FAM13C: variants seen among roughly 807,000 people sequenced by gnomAD.
FAM13C encodes the protein protein FAM13C.
A neutral mutation model predicts 73.2 loss-of-function variants in FAM13C; 37 were observed. The observed-to-expected ratio is 0.51, with a 90% CI of 0.39 to 0.67. FAM13C has a LOEUF of 0.67. Among genes scored for constraint, FAM13C ranks in the 30% least tolerant of loss-of-function variants. FAM13C has a pLI of 0.00. For missense variants in FAM13C, 589 were observed against 715.6 expected, an observed-to-expected ratio of 0.82 and a Z score of 2.02; for synonymous variants, 246 against 260.9, an observed-to-expected ratio of 0.94 and a Z score of 0.55.
chr10:59,357,199 A>G (rs1855835619), intron 1 of FAM13C, among the ~76,000 whole-genome samples: 1 of 152,140 alleles, frequency 6.6e-6, no homozygotes, highest in South Asian at 2.1e-4. Context: ...TCGAACATAC[A>G]TATATCCTAT....
rs377082637 is a variant in FAM13C at position 59,285,165 on chromosome 10, G to A, written c.508-1718C>T. 1.2e-4 allele frequency among the ~76,000 whole-genome samples: 18 copies of A among 152,310 alleles called. 1 individual carries two copies. Among genetic ancestry groups the A allele is most frequent in the South Asian group, 6.2e-4 (3 of 4,830 alleles). On this transcript the variant is annotated intron_variant, in intron 5 of 13. Transcript: ENST00000618804. ...CATGCCTGGAGATGGGGTGGGACCC[G>A]GCGCAAACCTCCTAAGAGCTCAGCG...
intron 9 of FAM13C, among the ~76,000 whole-genome samples, chr10:59,263,545 T>C (rs576523256): frequency 6.6e-6 from 1 of 152,150 alleles, no homozygotes; most frequent in Non-Finnish European, 1.5e-5. Context: ...TAATTTTTTA[T>C]TGGTAAATTA....
At chr10:59,272,408 A>T (rs1843814335) in intron 6 of FAM13C, among the ~76,000 whole-genome samples, 1 of 152,236 alleles carries the variant, frequency 6.6e-6, no homozygotes, top group African/African-American at 2.4e-5. Context: ...TTGTGTAGAC[A>T]GAATTATTGA....
In FAM13C at chr10:59,329,244, A is replaced by G. The variant is rs183940866; in HGVS notation, c.325-5138T>C. ...TTATTTCAACAAAGAAATAAAATAA[A>G]TCATGGGAAAACGCAGGCATAGGCT... On this transcript the variant is annotated intron_variant, in intron 3 of 13. Coordinates refer to ENST00000618804, the MANE Select transcript of FAM13C (RefSeq NM_198215.4). Among the ~76,000 whole-genome samples, 356 of 152,024 alleles carry G rather than the reference A, an allele frequency of 2.3e-3. 3 individuals carry two copies. The highest frequency in any genetic ancestry group is 8.3e-3 in the African/African-American group (346 of 41,504).
At chr10:59,256,570 G>T (rs533241360) in intron 10 of FAM13C, among the ~76,000 whole-genome samples, 2 of 152,246 alleles carry the variant, frequency 1.3e-5, no homozygotes, top group African/African-American at 4.8e-5. Context: ...CTGAGGAAAC[G>T]TGAGGGTTCC....
chr10:59,264,541 T>C (rs889564204), intron 8 of FAM13C, among the ~76,000 whole-genome samples: 4 of 152,124 alleles, frequency 2.6e-5, no homozygotes, highest in African/African-American at 9.7e-5. Context: ...GCCAGGCCAT[T>C]TTCTGTAGCA....
chr10:59,291,851 T>C (rs11006429), intron 5 of FAM13C, among the ~76,000 whole-genome samples: 3,579 of 144,824 alleles, frequency 0.025, 83 homozygotes, highest in Non-Finnish European at 0.034. Context: ...TGCAGTGGTG[T>C]GATCTCGGCT....
rs116881801 is a variant in FAM13C, at chr10:59,341,807, T to C, written c.324+10463A>G. ...TGATTAATAACAAAACACGATGAGC[T>C]TTGTTGGGTGGGAAGGCAAAGTTCC... On this transcript the variant is annotated intron_variant, in intron 3 of 13. Coordinates refer to ENST00000618804, the MANE Select transcript of FAM13C (RefSeq NM_198215.4). Among the ~76,000 whole-genome samples the C allele has an allele frequency of 5.9e-4, 90 of 152,168 alleles. 2 individuals are homozygous for C. In the East Asian group the frequency reaches 0.014, roughly 24 times the overall value.
intron 6 of FAM13C, among the ~76,000 whole-genome samples, chr10:59,273,749 G>A (rs112785665): frequency 1.2e-3 from 185 of 152,210 alleles, no homozygotes; most frequent in South Asian, 2.9e-3. Flanking sequence ...TGAGCAGAAG[G>A]GAACATAGAG....
chr10:59,318,515 T>C (rs1466180318), intron 4 of FAM13C, among the ~76,000 whole-genome samples: 1 of 152,136 alleles, frequency 6.6e-6, no homozygotes, highest in Non-Finnish European at 1.5e-5. Context: ...GCTCCAGAAA[T>C]CATTTGACCC....
chr10:59,283,311 C>A lies in FAM13C; in HGVS notation c.592+52G>T, dbSNP rs1426451062. The stretch of plus-strand genomic sequence containing the variant: ...AGGCTGAGTGTGAACCAGCAAGAGA[C>A]TGAACTACCTTGAGAGTACAATTTG... On this transcript the variant is annotated intron_variant, in intron 6 of 13. Coordinates refer to ENST00000618804, the MANE Select transcript of FAM13C (RefSeq NM_198215.4). 2.5e-6 allele frequency: 4 copies of A among 1,579,962 alleles called. No homozygotes were observed. In the African/African-American group the frequency reaches 4.0e-5, roughly 16 times the overall value.
At chr10:59,272,481 G>A (rs1420267484) in intron 6 of FAM13C, among the ~76,000 whole-genome samples, 1 of 152,206 alleles carries the variant, frequency 6.6e-6, no homozygotes, top group Non-Finnish European at 1.5e-5. Context: ...CCTGGGAAGA[G>A]TCCAGGCCAC....
chr10:59,323,955 G>A, intron 4 of FAM13C, 33 bp downstream of exon 4: 1 of 1,560,308 alleles, frequency 6.4e-7, no homozygotes, highest in African/African-American at 1.4e-5. Context: ...GGAACCACAA[G>A]CACAGAATAG....
intron 10 of FAM13C, among the ~76,000 whole-genome samples, chr10:59,256,660 A>C (rs1207324241): frequency 6.6e-6 from 1 of 152,212 alleles, no homozygotes; most frequent in South Asian, 2.1e-4. Flanking sequence ...GAGGACAGGA[A>C]AGCAGATTGC....
chr10:59,323,905 T>G, intron 4 of FAM13C, 83 bp downstream of exon 4: 2 of 1,181,648 alleles, frequency 1.7e-6, no homozygotes, highest in Non-Finnish European at 2.5e-6. Context: ...AAGCCTTGCC[T>G]CTTGTGTGGG....
At chr10:59,329,125 A>G (rs1192369765) in intron 3 of FAM13C, among the ~76,000 whole-genome samples, 1 of 152,092 alleles carries the variant, frequency 6.6e-6, no homozygotes, top group African/African-American at 2.4e-5. Flanking sequence ...ATGTGTGTCT[A>G]TTATTTAAAA....
chr10:59,247,474 T>G lies in FAM13C; in HGVS notation c.*140A>C. On this transcript the variant is annotated 3_prime_UTR_variant, in exon 14 of 14. Coordinates refer to ENST00000618804, the MANE Select transcript of FAM13C (RefSeq NM_198215.4). The stretch of plus-strand genomic sequence containing the variant: ...TCTCCTTGTATATAATTAAACTTGC[T>G]ATTCCTTCTTAAAAACAGCTAATAC... 1.0e-6 allele frequency: 1 copy of G among 988,066 alleles called. No individual in the cohort carries two copies. The highest frequency in any genetic ancestry group is 1.5e-6 in the Non-Finnish European group (1 of 647,666). The allele number at this position is 988,066 out of a possible 1,614,324, so 61.2% of individuals were successfully genotyped here. A position where few individuals can be genotyped will look rare whatever the true frequency, so the allele number is the denominator to read the frequency against.
At chr10:59,292,881 G>A (rs1005334713) in intron 5 of FAM13C, among the ~76,000 whole-genome samples, 2 of 151,944 alleles carry the variant, frequency 1.3e-5, no homozygotes, top group East Asian at 1.9e-4. Flanking sequence ...TTGAAAATCC[G>A]TAGTAAATCA....
chr10:59,283,252 T>C, intron 6 of FAM13C, 111 bp downstream of exon 6: 1 of 1,137,942 alleles, frequency 8.8e-7, no homozygotes, highest in Non-Finnish European at 1.3e-6. Flanking sequence ...TGGGCTTTCA[T>C]GTTGCCCCAG....
Sources: gnomAD v4.1 joint callset for allele counts (sites outside exome capture counted in the v4.1 genomes callset) on GRCh38, gnomAD v4.1.1 for gene constraint, MANE v1.5 for transcripts, NCBI Gene and HGNC (gene_info 2026-07-23, HGNC 2026-07-21) for gene names.